The following ZBTB20 variants were observed in gnomAD, a reference collection of about 807,000 sequenced individuals.
ZBTB20 encodes zinc finger and BTB domain containing 20, also known as zinc finger and BTB domain-containing protein 20.
Under a neutral mutation model 56.9 loss-of-function variants are expected in ZBTB20, and 9 were observed. The observed-to-expected ratio is 0.16, with a 90% CI of 0.10 to 0.28. ZBTB20 has a LOEUF of 0.28. Ranked by LOEUF, ZBTB20 falls within the 10% of genes least tolerant of loss-of-function variation. The pLI is 1.00. For missense variants in ZBTB20, 655 were observed against 1,003.0 expected, an observed-to-expected ratio of 0.65 and a Z score of 4.69; for synonymous variants, 417 against 420.7, an observed-to-expected ratio of 0.99 and a Z score of 0.11.
chr3:114,845,254 G>A (rs2074635495), intron 4 of ZBTB20, among the ~76,000 whole-genome samples: 1 of 150,814 alleles, frequency 6.6e-6, no homozygotes, highest in Non-Finnish European at 1.5e-5. Flanking sequence ...ATTTCAAATA[G>A]TGAAAGCAAA....
intron 6 of ZBTB20, among the ~76,000 whole-genome samples, chr3:114,633,986 A>G (rs1342678561): frequency 6.6e-6 from 1 of 152,204 alleles, no homozygotes; most frequent in Non-Finnish European, 1.5e-5. Context: ...GCATGAAGGA[A>G]TCACATTCAT....
At chr3:114,524,906 G>T (rs925018114) in intron 6 of ZBTB20, among the ~76,000 whole-genome samples, 7 of 152,136 alleles carry the variant, frequency 4.6e-5, no homozygotes, top group Non-Finnish European at 7.3e-5. Flanking sequence ...TAGAGACGAG[G>T]TTTCACTATG....
chr3:114,417,546 G>T (rs1238822299), intron 7 of ZBTB20, among the ~76,000 whole-genome samples: 3 of 152,042 alleles, frequency 2.0e-5, no homozygotes, highest in African/African-American at 7.2e-5. Context: ...TTCCTACAGA[G>T]GCTCAAAGGA....
intron 3 of ZBTB20, among the ~76,000 whole-genome samples, chr3:114,936,043 GC>G (rs2076523379): frequency 6.6e-6 from 1 of 152,042 alleles, no homozygotes; most frequent in Admixed American, 6.6e-5. Context: ...ACAGAGACTG[GC>G]ACCTGCATAA....
At chr3:114,613,267 G>T (rs2057690903) in intron 6 of ZBTB20, among the ~76,000 whole-genome samples, 1 of 152,158 alleles carries the variant, frequency 6.6e-6, no homozygotes, top group Admixed American at 6.6e-5. Flanking sequence ...AATGATAACT[G>T]GGGATAGTGA....
intron 3 of ZBTB20, among the ~76,000 whole-genome samples, chr3:114,936,290 G>A (rs570644046): frequency 1.4e-3 from 213 of 152,116 alleles, no homozygotes; most frequent in African/African-American, 4.0e-3. Flanking sequence ...ACATGCATGC[G>A]CACACACACG....
At chr3:114,398,690 A>G (rs1215339526) in intron 7 of ZBTB20, among the ~76,000 whole-genome samples, 1 of 152,230 alleles carries the variant, frequency 6.6e-6, no homozygotes, top group Non-Finnish European at 1.5e-5. Flanking sequence ...TAAAATTACC[A>G]TTCATAATCA....
chr3:114,787,996 A>T (rs1311972879), intron 5 of ZBTB20, among the ~76,000 whole-genome samples: 1 of 152,160 alleles, frequency 6.6e-6, no homozygotes, highest in Non-Finnish European at 1.5e-5. Flanking sequence ...TTAATCAAGG[A>T]TAACACTAGT....
intron 2 of ZBTB20, among the ~76,000 whole-genome samples, chr3:115,036,836 GAA>G (rs1237642582): frequency 3.3e-5 from 5 of 152,112 alleles, no homozygotes; most frequent in Non-Finnish European, 4.4e-5. Flanking sequence ...CCCTGAGACT[GAA>G]AAATATATAT....
intron 1 of ZBTB20, among the ~76,000 whole-genome samples, chr3:115,146,889 C>T (rs908615067): frequency 4.0e-5 from 6 of 151,718 alleles, no homozygotes; most frequent in African/African-American, 1.2e-4. Context: ...GTCCCGCCCG[C>T]CCCGCCACCC....
chr3:115,063,944 T>C (rs2082110163), intron 2 of ZBTB20, among the ~76,000 whole-genome samples: 1 of 152,216 alleles, frequency 6.6e-6, no homozygotes, highest in Admixed American at 6.5e-5. Context: ...AAGTAATATT[T>C]TTGAATACAT....
At chr3:114,886,574 G>T (rs1156960146) in intron 4 of ZBTB20, among the ~76,000 whole-genome samples, 1 of 152,186 alleles carries the variant, frequency 6.6e-6, no homozygotes, top group East Asian at 1.9e-4. Flanking sequence ...TGGACTATAA[G>T]AGTATATTTG....
rs539841508 is a variant in ZBTB20, at chr3:115,048,595, T to C, written c.-507+22624A>G. On this transcript the variant is annotated intron_variant, in intron 2 of 11. Coordinates refer to ENST00000675478, the MANE Select transcript of ZBTB20 (RefSeq NM_001348800.3). ...ACAAATGTTGAGGTAATTATTACTA[T>C]GTACATTTGAAAGCAACCATAAGCT... 4.6e-5 allele frequency among the ~76,000 whole-genome samples: 7 copies of C among 152,308 alleles called. No individual in the cohort carries two copies. In the East Asian group the frequency reaches 1.3e-3, roughly 29 times the overall value.
chr3:115,025,565 T>G (rs2080389717), intron 2 of ZBTB20, among the ~76,000 whole-genome samples: 1 of 150,866 alleles, frequency 6.6e-6, no homozygotes, highest in Non-Finnish European at 1.5e-5. Context: ...TAAGAAATAT[T>G]TACATATATC....
At chr3:114,608,636 A>G (rs574149033) in intron 6 of ZBTB20, among the ~76,000 whole-genome samples, 1 of 152,340 alleles carries the variant, frequency 6.6e-6, no homozygotes, top group East Asian at 1.9e-4. Context: ...CTTAAGATAC[A>G]TTTACTCAGT....
At chr3:114,434,264 A>G (rs1247054924) in intron 7 of ZBTB20, among the ~76,000 whole-genome samples, 1 of 152,140 alleles carries the variant, frequency 6.6e-6, no homozygotes, top group East Asian at 1.9e-4. Flanking sequence ...CGGTAGGGGT[A>G]TCAAAATGTC....
intron 6 of ZBTB20, among the ~76,000 whole-genome samples, chr3:114,500,797 G>C (rs151205542): frequency 6.6e-6 from 1 of 152,256 alleles, no homozygotes; most frequent in African/African-American, 2.4e-5. Flanking sequence ...TAGTTCCTCA[G>C]TCTTGCCAGC....
chr3:114,373,193 C>T (rs556486531), intron 10 of ZBTB20, among the ~76,000 whole-genome samples: 48 of 152,296 alleles, frequency 3.2e-4, no homozygotes, highest in African/African-American at 1.1e-3. Context: ...GGATTACAGG[C>T]GTGAGCCACT....
chr3:115,088,308 G>A (rs1215472036), intron 1 of ZBTB20, among the ~76,000 whole-genome samples: 1 of 151,760 alleles, frequency 6.6e-6, no homozygotes, highest in African/African-American at 2.4e-5. Flanking sequence ...TGCCATTTGA[G>A]AAAAGACCAC....
Sources: allele counts gnomAD v4.1 joint callset (sites outside exome capture counted in the v4.1 genomes callset), GRCh38; gene constraint gnomAD v4.1.1; transcripts MANE v1.5; gene names NCBI Gene and HGNC (gene_info 2026-07-23, HGNC 2026-07-21).